Variants in PTPRF observed in about 807,000 individuals in gnomAD.
PTPRF encodes the protein protein tyrosine phosphatase receptor type F, also known as receptor-type tyrosine-protein phosphatase F.
Under a neutral mutation model 201.8 loss-of-function variants are expected in PTPRF, and 59 were observed. The observed-to-expected ratio is 0.29, with a 90% confidence interval of 0.24 to 0.36. The LOEUF (loss-of-function observed/expected upper bound fraction) is 0.36, where lower values mean the gene tolerates loss of function less well. Ranked by LOEUF, PTPRF falls within the 10% of genes least tolerant of loss-of-function variation. The pLI, the probability that PTPRF is intolerant of heterozygous loss-of-function variation, is 1.00. For synonymous variants in PTPRF, 1,088 were observed against 1,089.7 expected (o/e 1.00, Z 0.03); for missense variants, 2,132 against 2,690.5 (o/e 0.79, Z 4.59).
At chr1:43,524,845 G>C (rs572642124), upstream of PTPRF, among the ~76,000 whole-genome samples, 1 of 152,310 alleles carries the variant, frequency 6.6e-6, no homozygotes, top group East Asian at 1.9e-4. Flanking sequence ...GGGGAAAATG[G>C]GCTGGCTGAA....
At chr1:43,581,989 G>A (rs965994401) in intron 7 of PTPRF, among the ~76,000 whole-genome samples, 2 of 152,158 alleles carry the variant, frequency 1.3e-5, no homozygotes, top group Non-Finnish European at 2.9e-5. Context: ...ACGTTGCAAC[G>A]TGTCACCTGG....
chr1:43,604,992 C>T lies in PTPRF; in HGVS notation c.3127C>T (p.Pro1043Ser), dbSNP rs1387459525. 1 of 1,613,902 alleles carries T rather than the reference C, an allele frequency of 6.2e-7. No homozygotes were observed. Among genetic ancestry groups the T allele is most frequent in the Non-Finnish European group, 8.5e-7 (1 of 1,179,928 alleles). Reference protein sequence around the residue: ...EVPDSYKSAVPFKILYNGQSV... With the variant: ...EVPDSYKSAVSFKILYNGQSV... ...TCCCGACTCCTATAAGTCAGCTGTG[C>T]CCTTTAAGGTGAGTAAGGGCCACGG... The change falls in exon 17 of 34, where the codon CCC (proline) becomes TCC (serine). Residue 1043 changes from proline (P) to serine (S), a missense_variant. Physicochemically the swap from Pro to Ser is moderately conservative, Grantham distance 74 (BLOSUM62 -1). Coordinates refer to ENST00000359947, the MANE Select transcript of PTPRF (RefSeq NM_002840.5).
intron 13 of PTPRF, among the ~76,000 whole-genome samples, 157 bp from the exon 14 acceptor site, chr1:43,601,914 A>T (rs1239307524): frequency 6.6e-6 from 1 of 152,042 alleles, no homozygotes; most frequent in Non-Finnish European, 1.5e-5. Flanking sequence ...AAATCTTTGA[A>T]CCGGGAGTTG....
intron 22 of PTPRF, among the ~76,000 whole-genome samples, 172 bp downstream of exon 22, chr1:43,609,670 C>G (rs1278866563): frequency 1.3e-5 from 2 of 152,230 alleles, no homozygotes; most frequent in Non-Finnish European, 2.9e-5. Context: ...GTTGGAATGA[C>G]TGGGGAGCCC....
upstream of PTPRF, among the ~76,000 whole-genome samples, chr1:43,523,017 T>C (rs1643001049): frequency 6.6e-6 from 1 of 151,336 alleles, no homozygotes; most frequent in Admixed American, 6.6e-5. Context: ...CAGATAAGAG[T>C]TAATGGTGGC....
chr1:43,605,261 C>T lies in PTPRF; in HGVS notation c.3207C>T (p.Pro1069=), dbSNP rs887745066. The change falls in exon 18 of 34, where the codon CCC becomes CCT. Residue 1069 remains proline (P), a synonymous_variant. Coordinates refer to ENST00000359947, the MANE Select transcript of PTPRF (RefSeq NM_002840.5). ...SMRKLIADLQ[P]NTEYSFVLMN... ...GGAAGCTGATCGCAGACCTGCAGCC[C>T]AACACAGAGTACTCGTTTGTGCTGA... 2 of 1,611,932 alleles carry T rather than the reference C, an allele frequency of 1.2e-6. No homozygotes were observed. The highest frequency in any genetic ancestry group is 8.5e-7 in the Non-Finnish European group (1 of 1,178,556).
At chr1:43,540,325 T>C (rs74071951) in intron 2 of PTPRF, among the ~76,000 whole-genome samples, 4,478 of 151,996 alleles carry the variant, frequency 0.029, 223 homozygotes, top group African/African-American at 0.1. Context: ...ACCTGGAAAA[T>C]TGGGGAGGGT....
At chr1:43,556,605 TTAGAGGAGCCA>T (rs1645394663) in intron 5 of PTPRF, among the ~76,000 whole-genome samples, 1 of 152,200 alleles carries the variant, frequency 6.6e-6, no homozygotes, top group Non-Finnish European at 1.5e-5. Flanking sequence ...CTCTACAAGC[TTAGAGGAGCCA>T]TAGAGGACAG....
intron 11 of PTPRF, among the ~76,000 whole-genome samples, chr1:43,597,228 A>C (rs1036454063): frequency 2.0e-5 from 3 of 152,126 alleles, no homozygotes; most frequent in Non-Finnish European, 4.4e-5. Flanking sequence ...TGTATATGAC[A>C]CTGTATATGT....
In PTPRF at chr1:43,597,778, G is replaced by T. The variant is rs1387881232; in HGVS notation, c.1844G>T (p.Cys615Phe). 1.2e-6 allele frequency: 2 copies of T among 1,602,214 alleles called. No individual in the cohort carries two copies. Among genetic ancestry groups the T allele is most frequent in the Non-Finnish European group, 1.7e-6 (2 of 1,174,598 alleles). Residue 615 changes from cysteine (C) to phenylalanine (F), a missense_variant, in exon 12 of 34, where the codon TGT becomes TTT. Physicochemically the swap from Cys to Phe is radical, Grantham distance 205. Transcript: ENST00000359947. ...TPSAPPQKVM[C>F]VSMGSTTVRV... ...TCCGCCCCTCCCCAGAAGGTGATGT[G>T]TGTGAGCATGGGCTCCACCACGGTC...
Position 43,573,683 on chromosome 1 carries a change from C to A in PTPRF, c.568+3905C>A, listed in dbSNP as rs74506007. Among the ~76,000 whole-genome samples, 741 of 152,360 alleles carry A rather than the reference C, an allele frequency of 4.9e-3. 7 individuals are homozygous for A. The highest frequency in any genetic ancestry group is 0.017 in the African/African-American group (703 of 41,582). On this transcript the variant is annotated intron_variant, in intron 6 of 33. Coordinates refer to ENST00000359947, the MANE Select transcript of PTPRF (RefSeq NM_002840.5). ...GGCACCTCTTGGACACGAATACACC[C>A]CTAAGGATGCTGACTTCTGGGCCCC...
rs769255458 is a variant in PTPRF, at chr1:43,617,803, C to A, written c.4263C>A (p.Ile1421=). 2 of 1,613,980 alleles carry A rather than the reference C, an allele frequency of 1.2e-6. No homozygotes were observed. The highest frequency in any genetic ancestry group is 1.1e-5 in the South Asian group (1 of 91,082). The change falls in exon 25 of 34, where the codon ATC becomes ATA. Residue 1421 remains isoleucine, a synonymous_variant. Transcript: ENST00000359947. ...IDGYRKQNAY[I]ATQGPLPETM... ...GCTACCGCAAGCAGAATGCCTACAT[C>A]GCCACGCAGGGCCCCCTGCCCGAGA...
intron 3 of PTPRF, among the ~76,000 whole-genome samples, chr1:43,548,122 G>A (rs1212968688): frequency 1.3e-5 from 2 of 149,648 alleles, no homozygotes; most frequent in African/African-American, 2.5e-5. Context: ...TTGCTAATGG[G>A]GGGGTATTGC....
chr1:43,607,887 C>A (rs1655523363), intron 21 of PTPRF, among the ~76,000 whole-genome samples: 1 of 152,256 alleles, frequency 6.6e-6, no homozygotes, highest in African/African-American at 2.4e-5. Flanking sequence ...TGATGCTCCA[C>A]TGCAAACGCA....
rs2154042278 is a variant in PTPRF at position 43,622,234 on chromosome 1, A to T, written c.*231A>T. 1 of 549,160 alleles carries T rather than the reference A, an allele frequency of 1.8e-6. No individual in the cohort carries two copies. The highest frequency in any genetic ancestry group is 3.2e-5 in the Admixed American group (1 of 31,534). The allele number at this position is 549,160 out of a possible 1,614,324, so 34.0% of individuals were successfully genotyped here. On this transcript the variant is annotated 3_prime_UTR_variant, in exon 34 of 34. Coordinates refer to ENST00000359947, the MANE Select transcript of PTPRF (RefSeq NM_002840.5). Reference sequence around the variant, plus strand: ...GGCAGGCACTGTGGCCCTTCTGTCCACCAGACCCACCTGGAGCCCGCTTCA... The same window carrying T: ...GGCAGGCACTGTGGCCCTTCTGTCCTCCAGACCCACCTGGAGCCCGCTTCA...
chr1:43,562,768 G>A (rs79472516), intron 5 of PTPRF, among the ~76,000 whole-genome samples: 1 of 152,076 alleles, frequency 6.6e-6, no homozygotes, highest in Non-Finnish European at 1.5e-5. Flanking sequence ...GGTCCGTGTG[G>A]GTGCATAGTG....
intron 3 of PTPRF, among the ~76,000 whole-genome samples, chr1:43,552,774 A>T (rs1333154466): frequency 6.6e-6 from 1 of 151,236 alleles, no homozygotes; most frequent in African/African-American, 2.4e-5. Flanking sequence ...AGGGTGTGGC[A>T]GTGCCATGTC....
intron 21 of PTPRF, 21 bp downstream of exon 21, chr1:43,606,989 T>C (rs571229352): frequency 1.2e-6 from 2 of 1,610,588 alleles, no homozygotes; most frequent in African/African-American, 2.7e-5. Context: ...CCCTCAGAGC[T>C]CCGGGAACGG....
chr1:43,612,179 C>T (rs1656601721), intron 22 of PTPRF, among the ~76,000 whole-genome samples: 1 of 152,094 alleles, frequency 6.6e-6, no homozygotes, highest in African/African-American at 2.4e-5. Flanking sequence ...GCAGTGGGGA[C>T]ACCCAGTGGG....
Sources: allele counts gnomAD v4.1 joint callset (sites outside exome capture counted in the v4.1 genomes callset), GRCh38; gene constraint gnomAD v4.1.1; transcripts MANE v1.5; gene names NCBI Gene and HGNC (gene_info 2026-07-23, HGNC 2026-07-21).